The following EDA variants were observed in gnomAD, a reference collection of about 807,000 sequenced individuals.
The protein encoded by EDA is ectodysplasin-A.
EDA carries 2 observed loss-of-function variants against 23.6 expected under a neutral mutation model. That is an observed-to-expected ratio of 0.08 (90% CI 0.03 to 0.27). EDA has a LOEUF of 0.27. EDA is among the 10% of genes least tolerant of loss of function. The pLI, the probability that EDA is intolerant of heterozygous loss-of-function variation, is 1.00. For synonymous variants in EDA, 131 were observed against 132.0 expected (o/e 0.99, Z 0.05); for missense variants, 229 against 324.2 (o/e 0.71, Z 2.26).
chrX:69,998,343 A>ATGGG (rs1447579342), intron 2 of EDA, among the ~76,000 whole-genome samples: 1 of 112,476 alleles, frequency 8.9e-6, no homozygotes, highest in Non-Finnish European at 1.9e-5. Flanking sequence ...TGGGGCCTGT[A>ATGGG]GCCCCTTTGT....
At chrX:69,681,728 T>C (rs1178973931) in intron 1 of EDA, among the ~76,000 whole-genome samples, 1 of 107,576 alleles carries the variant, frequency 9.3e-6, no homozygotes, top group Non-Finnish European at 1.9e-5. Context: ...TTCTTCTAAA[T>C]TTTTTTCAAA....
At chrX:69,784,856 G>A (rs1226170937) in intron 1 of EDA, among the ~76,000 whole-genome samples, 2 of 110,160 alleles carry the variant, frequency 1.8e-5, no homozygotes, top group Admixed American at 9.7e-5. Context: ...GATGGGGATG[G>A]CATTGAATCT....
chrX:69,672,203 G>C (rs994995919), intron 1 of EDA, among the ~76,000 whole-genome samples: 2 of 111,295 alleles, frequency 1.8e-5, no homozygotes, highest in Non-Finnish European at 3.8e-5. Flanking sequence ...TTAGAGTTGT[G>C]GGGGGGACTT....
chrX:69,737,936 T>G (rs941489746), intron 1 of EDA, among the ~76,000 whole-genome samples: 4 of 111,494 alleles, frequency 3.6e-5, no homozygotes, highest in Admixed American at 9.6e-5. Flanking sequence ...TATCTGTAAT[T>G]ATTCTTACCT....
chrX:69,769,506 C>T (rs968978743), intron 1 of EDA, among the ~76,000 whole-genome samples: 1 of 111,306 alleles, frequency 9.0e-6, no homozygotes, highest in African/African-American at 3.3e-5. Flanking sequence ...TAAAGCACTT[C>T]GATTTAATGT....
chrX:70,029,486 T>A lies in EDA; in HGVS notation c.707-18T>A. On this transcript the variant is annotated intron_variant, in intron 4 of 7. Coordinates refer to ENST00000374552, the MANE Select transcript of EDA (RefSeq NM_001399.5). ...GTCAAAAGATTATGCCCTCTGATTGTCCTATCCTATTTTGCAGGTGCTGCT... is the reference window on the plus strand; with the variant it reads ...GTCAAAAGATTATGCCCTCTGATTGACCTATCCTATTTTGCAGGTGCTGCT... The A allele has an allele frequency of 1.7e-6, 2 of 1,211,225 alleles. No individual in the cohort carries two copies. Among genetic ancestry groups the A allele is most frequent in the Non-Finnish European group, 1.1e-6 (1 of 894,820 alleles).
intron 1 of EDA, among the ~76,000 whole-genome samples, chrX:69,827,507 C>G (rs777820228): frequency 3.6e-5 from 4 of 112,252 alleles, no homozygotes; most frequent in South Asian, 7.4e-4. Context: ...CCTGAGGCTT[C>G]TGCATTCTTC....
intron 1 of EDA, among the ~76,000 whole-genome samples, chrX:69,892,063 A>T (rs2147632840): frequency 8.9e-6 from 1 of 112,198 alleles, no homozygotes; most frequent in African/African-American, 3.2e-5. Context: ...TAATGAGCTT[A>T]GTACGATACT....
chrX:69,756,974 T>C (rs2014142157), intron 1 of EDA: 1 of 111,765 alleles, frequency 8.9e-6, no homozygotes, highest in Admixed American at 9.5e-5. Context: ...GGTTTACCAT[T>C]GACAGAGTGA....
chrX:69,948,770 G>T (rs762393097), intron 1 of EDA, among the ~76,000 whole-genome samples: 3 of 112,236 alleles, frequency 2.7e-5, no homozygotes, highest in Non-Finnish European at 5.6e-5. Flanking sequence ...CTTCCATATG[G>T]TAAGTACTCA....
At chrX:69,875,816 A>T (rs2147613804) in intron 1 of EDA, among the ~76,000 whole-genome samples, 1 of 111,585 alleles carries the variant, frequency 9.0e-6, no homozygotes, top group Non-Finnish European at 1.9e-5. Context: ...TCCCATCAAA[A>T]CATAGGCTAA....
At chrX:69,853,392 A>T (rs188593533) in intron 1 of EDA, among the ~76,000 whole-genome samples, 1 of 112,009 alleles carries the variant, frequency 8.9e-6, no homozygotes, top group African/African-American at 3.2e-5. Context: ...CTAGGTTAAG[A>T]AACATGGAGG....
intron 1 of EDA, among the ~76,000 whole-genome samples, chrX:69,626,131 A>G (rs1381323173): frequency 8.1e-5 from 9 of 111,683 alleles, no homozygotes; most frequent in Non-Finnish European, 1.7e-4. Flanking sequence ...TTTCACACCC[A>G]CTAGACTGGC....
chrX:70,005,154 A>C (rs2019786640), intron 2 of EDA, among the ~76,000 whole-genome samples: 1 of 111,925 alleles, frequency 8.9e-6, no homozygotes, highest in Admixed American at 9.5e-5. Flanking sequence ...AGAACAAATA[A>C]AATTAAATTA....
intron 2 of EDA, among the ~76,000 whole-genome samples, chrX:69,975,464 G>A (rs777268082): frequency 7.3e-4 from 80 of 110,041 alleles, no homozygotes; most frequent in African/African-American, 2.3e-3. Flanking sequence ...GGGACTACAT[G>A]TGGAGGGAGG....
At chrX:69,961,006 G>A (rs1383918005) in intron 2 of EDA, among the ~76,000 whole-genome samples, 1 of 96,065 alleles carries the variant, frequency 1.0e-5, no homozygotes, top group African/African-American at 3.7e-5. Flanking sequence ...GCAACAGAGT[G>A]AAACTCCATC....
chrX:70,021,965 C>T (rs1412160393), intron 2 of EDA, among the ~76,000 whole-genome samples: 5 of 112,010 alleles, frequency 4.5e-5, no homozygotes, highest in African/African-American at 1.6e-4. Flanking sequence ...GTTTTATAAA[C>T]TATAATATTG....
chrX:70,002,197 A>T (rs58112186), intron 2 of EDA, among the ~76,000 whole-genome samples: 10,096 of 111,170 alleles, frequency 0.091, 1,087 homozygotes, highest in African/African-American at 0.31. Flanking sequence ...CTGGAACAAA[A>T]TGTGCTCATG....
At chrX:69,678,040 G>A (rs1479113581) in intron 1 of EDA, among the ~76,000 whole-genome samples, 1 of 110,876 alleles carries the variant, frequency 9.0e-6, no homozygotes, top group Non-Finnish European at 1.9e-5. Flanking sequence ...TTCTACATAT[G>A]GCTAGCCAGT....
Sources: allele counts gnomAD v4.1 joint callset (sites outside exome capture counted in the v4.1 genomes callset), GRCh38; gene constraint gnomAD v4.1.1; transcripts MANE v1.5; gene names NCBI Gene and HGNC (gene_info 2026-07-23, HGNC 2026-07-21).